The following TAFA1 variants were observed in gnomAD, a reference collection of about 807,000 sequenced individuals.
The protein encoded by TAFA1 is TAFA chemokine like family member 1.
TAFA1 carries 4 observed loss-of-function variants against 18.5 expected under a neutral mutation model. The ratio of observed to expected loss-of-function variants is 0.22; its 90% CI spans 0.11 to 0.49. The LOEUF is 0.49. Among genes scored for constraint, TAFA1 ranks in the 20% least tolerant of loss-of-function variants. TAFA1 has a pLI of 0.98. For synonymous variants in TAFA1, 56 were observed against 55.2 expected, an observed-to-expected ratio of 1.01 and a Z score of -0.06; for missense variants, 147 against 169.0, an observed-to-expected ratio of 0.87 and a Z score of 0.72.
At chr3:68,277,631 A>C (rs893174885) in intron 2 of TAFA1, among the ~76,000 whole-genome samples, 30 of 152,186 alleles carry the variant, frequency 2.0e-4, no homozygotes, top group African/African-American at 5.5e-4. Context: ...GATGCAAAAG[A>C]TAGAAAAAAT....
At chr3:68,183,404 T>C (rs2066231073) in intron 2 of TAFA1, among the ~76,000 whole-genome samples, 1 of 152,158 alleles carries the variant, frequency 6.6e-6, no homozygotes, top group South Asian at 2.1e-4. Flanking sequence ...TAGCAACTTA[T>C]TATGTTTCAG....
At chr3:68,070,440 C>T (rs1411187988) in intron 2 of TAFA1, among the ~76,000 whole-genome samples, 1 of 152,210 alleles carries the variant, frequency 6.6e-6, no homozygotes, top group Non-Finnish European at 1.5e-5. Flanking sequence ...AGGAAACCAT[C>T]TTGTCCACCT....
At chr3:68,404,657 C>T (rs1028103762) in intron 2 of TAFA1, among the ~76,000 whole-genome samples, 4 of 151,994 alleles carry the variant, frequency 2.6e-5, no homozygotes, top group Admixed American at 6.6e-5. Context: ...ATTAGCCAGG[C>T]GTGGTGGCAG....
At chr3:68,483,739 C>A (rs184056389) in intron 3 of TAFA1, among the ~76,000 whole-genome samples, 50 of 152,226 alleles carry the variant, frequency 3.3e-4, no homozygotes, top group Non-Finnish European at 5.4e-4. Context: ...GGGAGAGAAG[C>A]CTTCAGAGCA....
chr3:68,402,309 T>C (rs981932084), intron 2 of TAFA1, among the ~76,000 whole-genome samples: 3 of 152,192 alleles, frequency 2.0e-5, no homozygotes, highest in Non-Finnish European at 4.4e-5. Flanking sequence ...CAAGCACAGA[T>C]GGTCCCAGGT....
intron 2 of TAFA1, among the ~76,000 whole-genome samples, chr3:68,401,721 AC>A (rs2070497511): frequency 6.6e-6 from 1 of 152,192 alleles, no homozygotes; most frequent in Non-Finnish European, 1.5e-5. Flanking sequence ...GTTAACAACC[AC>A]TTGGTCACTA....
intron 3 of TAFA1, among the ~76,000 whole-genome samples, chr3:68,527,674 T>C (rs1466425544): frequency 6.6e-6 from 1 of 152,118 alleles, no homozygotes; most frequent in East Asian, 1.9e-4. Context: ...GTCTTTATAT[T>C]TGGTGCAGAG....
At chr3:68,472,521 C>T (rs1248554726) in intron 3 of TAFA1, among the ~76,000 whole-genome samples, 1 of 151,934 alleles carries the variant, frequency 6.6e-6, no homozygotes, top group African/African-American at 2.4e-5. Flanking sequence ...CACACACACA[C>T]ACACACACAC....
chr3:68,042,778 T>C (rs192988824), intron 2 of TAFA1, among the ~76,000 whole-genome samples: 2 of 152,362 alleles, frequency 1.3e-5, no homozygotes, highest in East Asian at 1.9e-4. Flanking sequence ...GCTACTGTTT[T>C]ATAGTTGACA....
intron 2 of TAFA1, among the ~76,000 whole-genome samples, chr3:68,102,511 G>C (rs1289931903): frequency 6.6e-6 from 1 of 152,080 alleles, no homozygotes; most frequent in East Asian, 1.9e-4. Flanking sequence ...TGCACAGAAG[G>C]CTGGCTCTCA....
chr3:68,250,575 C>A (rs1158319234), intron 2 of TAFA1, among the ~76,000 whole-genome samples: 1 of 152,100 alleles, frequency 6.6e-6, no homozygotes, highest in East Asian at 1.9e-4. Context: ...AAGAGAGTAG[C>A]TCTTTCCCCA....
chr3:68,373,696 C>G (rs1309406722), intron 2 of TAFA1, among the ~76,000 whole-genome samples: 1 of 152,156 alleles, frequency 6.6e-6, no homozygotes, highest in Non-Finnish European at 1.5e-5. Context: ...CCATAAAAGA[C>G]AGAAGTCATT....
intron 2 of TAFA1, among the ~76,000 whole-genome samples, chr3:68,146,847 C>T (rs1265269686): frequency 6.6e-6 from 1 of 152,014 alleles, no homozygotes. Context: ...TTATTAGATG[C>T]TAAAGGTGAT....
In TAFA1 at chr3:68,091,671, G is replaced by T. The variant is rs142240534; in HGVS notation, c.118+84927G>T. Among the ~76,000 whole-genome samples the T allele has an allele frequency of 8.5e-5, 13 of 152,164 alleles. No homozygotes were observed. In the East Asian group the frequency reaches 2.1e-3, roughly 25 times the overall value. ...CCACTACAAATGAATGAATGAATGA[G>T]CAAACTGAGGATGAAAAAAGCAGCC... On this transcript the variant is annotated intron_variant, in intron 2 of 4. Transcript: ENST00000478136.
intron 2 of TAFA1, among the ~76,000 whole-genome samples, chr3:68,341,333 G>T (rs1375673730): frequency 1.3e-5 from 2 of 152,108 alleles, no homozygotes; most frequent in Non-Finnish European, 2.9e-5. Context: ...TCATAGGTGG[G>T]ATCGCAGAAC....
At chr3:68,270,160 A>G (rs547859059) in intron 2 of TAFA1, among the ~76,000 whole-genome samples, 5 of 152,266 alleles carry the variant, frequency 3.3e-5, no homozygotes, top group Admixed American at 1.3e-4. Flanking sequence ...ATCACTATCT[A>G]TACAAGTTCC....
At chr3:68,027,342 T>C (rs1704839294) in intron 2 of TAFA1, among the ~76,000 whole-genome samples, 1 of 152,288 alleles carries the variant, frequency 6.6e-6, no homozygotes, top group Admixed American at 6.5e-5. Context: ...AGATGTGGAT[T>C]GTTTCTATTT....
chr3:68,218,028 T>A (rs534114348), intron 2 of TAFA1, among the ~76,000 whole-genome samples: 1 of 152,216 alleles, frequency 6.6e-6, no homozygotes, highest in East Asian at 1.9e-4. Context: ...CTGAAGCACT[T>A]CTTATGTCTT....
At chr3:68,320,124 CCTTTT>C (rs1306256890) in intron 2 of TAFA1, among the ~76,000 whole-genome samples, 2 of 152,066 alleles carry the variant, frequency 1.3e-5, no homozygotes, top group African/African-American at 4.8e-5. Flanking sequence ...TTATCAAACC[CCTTTT>C]CTTTTCCCGG....
Sources: allele counts gnomAD v4.1 joint callset (sites outside exome capture counted in the v4.1 genomes callset), GRCh38; gene constraint gnomAD v4.1.1; transcripts MANE v1.5; gene names NCBI Gene and HGNC (gene_info 2026-07-23, HGNC 2026-07-21).